The following TYW1B variants were observed in gnomAD, a reference collection of about 807,000 sequenced individuals.
TYW1B encodes S-adenosyl-L-methionine-dependent tRNA 4-demethylwyosine synthase TYW1B.
Under a neutral mutation model 86.9 loss-of-function variants are expected in TYW1B, and 73 were observed. The observed-to-expected ratio is 0.84, with a 90% CI of 0.70 to 1.02. The LOEUF (loss-of-function observed/expected upper bound fraction) is 1.02, where lower values mean the gene tolerates loss of function less well. Among genes scored for constraint, TYW1B ranks in the 50% least tolerant of loss-of-function variants. TYW1B has a pLI of 0.00. For missense variants in TYW1B, 637 were observed against 827.4 expected (o/e 0.77, Z 2.82); for synonymous variants, 248 against 292.8 (o/e 0.85, Z 1.56).
chr7:72,822,269 G>A (rs1163861502), intron 2 of TYW1B, among the ~76,000 whole-genome samples: 1 of 150,346 alleles, frequency 6.7e-6, no homozygotes, highest in Non-Finnish European at 1.5e-5. Context: ...CGATCCAAAA[G>A]GTAGAACATC....
At chr7:72,716,562 G>C (rs2129570773) in intron 9 of TYW1B, among the ~76,000 whole-genome samples, 2 of 152,326 alleles carry the variant, frequency 1.3e-5, no homozygotes, top group South Asian at 4.1e-4. Flanking sequence ...GACTTCAGTA[G>C]GGATAGCACC....
At chr7:72,613,278 C>A (rs192329441) in intron 13 of TYW1B, among the ~76,000 whole-genome samples, 26 of 151,914 alleles carry the variant, frequency 1.7e-4, no homozygotes, top group Non-Finnish European at 1.3e-4. Context: ...ACAGTCTTTG[C>A]ATTTTTAAAA....
At chr7:72,694,330 A>C (rs1814254706) in intron 11 of TYW1B, among the ~76,000 whole-genome samples, 1 of 152,146 alleles carries the variant, frequency 6.6e-6, no homozygotes, top group South Asian at 2.1e-4. Flanking sequence ...TCCTACAACC[A>C]ATCTTCCATA....
At chr7:72,798,907 G>A (rs1405304250) in intron 6 of TYW1B, among the ~76,000 whole-genome samples, 1 of 152,122 alleles carries the variant, frequency 6.6e-6, no homozygotes, top group Non-Finnish European at 1.5e-5. Flanking sequence ...AAATCTCTCT[G>A]TAGAGCCATT....
chr7:72,577,773 T>C (rs1811058435), intron 13 of TYW1B, among the ~76,000 whole-genome samples: 1 of 152,120 alleles, frequency 6.6e-6, no homozygotes, highest in African/African-American at 2.4e-5. Context: ...GAATGTAAAG[T>C]CTGAGTATCA....
At chr7:72,710,026 C>T (rs1554454405) in intron 10 of TYW1B, among the ~76,000 whole-genome samples, 2 of 152,136 alleles carry the variant, frequency 1.3e-5, no homozygotes, top group Non-Finnish European at 2.9e-5. Context: ...AAGAGAGACT[C>T]GATAACATCT....
At chr7:72,671,768 C>T (rs1372001935) in intron 11 of TYW1B, among the ~76,000 whole-genome samples, 1 of 151,278 alleles carries the variant, frequency 6.6e-6, no homozygotes, top group African/African-American at 2.4e-5. Flanking sequence ...TTAGTACCAA[C>T]TTTAAACTTT....
intron 13 of TYW1B, among the ~76,000 whole-genome samples, chr7:72,587,479 T>C (rs1431823210): frequency 5.9e-5 from 9 of 152,104 alleles, no homozygotes; most frequent in Non-Finnish European, 7.4e-5. Context: ...GGAGTGCTGA[T>C]TGGTCAGAGA....
At chr7:72,752,757 A>AAACAAAC (rs1554465330) in intron 7 of TYW1B, among the ~76,000 whole-genome samples, 6 of 151,870 alleles carry the variant, frequency 4.0e-5, no homozygotes, top group Admixed American at 6.6e-5. Context: ...ACAAACAAAC[A>AAACAAAC]AAAAAACCTC....
chr7:72,637,639 T>C (rs2129568950), intron 11 of TYW1B, among the ~76,000 whole-genome samples: 1 of 152,144 alleles, frequency 6.6e-6, no homozygotes, highest in Non-Finnish European at 1.5e-5. Flanking sequence ...TCTGCTCTTT[T>C]TGTTTCCTTC....
chr7:72,673,458 G>T (rs145239145), intron 11 of TYW1B, among the ~76,000 whole-genome samples: 20 of 152,270 alleles, frequency 1.3e-4, no homozygotes, highest in Admixed American at 7.2e-4. Flanking sequence ...AACATGGATG[G>T]AACTGCAGGT....
chr7:72,576,509 CTT>C (rs11334473), intron 13 of TYW1B, among the ~76,000 whole-genome samples: 1,213 of 120,086 alleles, frequency 0.01, 10 homozygotes, highest in African/African-American at 0.036. Flanking sequence ...ATGCCACTGT[CTT>C]TTTTTTTTTT....
At chr7:72,661,171 G>A (rs868950822) in intron 11 of TYW1B, among the ~76,000 whole-genome samples, 1 of 141,222 alleles carries the variant, frequency 7.1e-6, no homozygotes, top group African/African-American at 2.6e-5. Context: ...AATATAATGG[G>A]AGGAAAAGAA....
At chr7:72,765,983 C>T (rs1787761963) in intron 7 of TYW1B, among the ~76,000 whole-genome samples, 1 of 152,310 alleles carries the variant, frequency 6.6e-6, no homozygotes, top group East Asian at 1.9e-4. Context: ...ACTTTTCTCA[C>T]TTGGCAGACT....
At chr7:72,669,952 TAAATAAATAAATA>T (rs1466140220) in intron 11 of TYW1B, among the ~76,000 whole-genome samples, 7 of 149,692 alleles carry the variant, frequency 4.7e-5, no homozygotes, top group Non-Finnish European at 1.0e-4. Flanking sequence ...AATAAATAAA[TAAATAAATAAATA>T]AATAAATAAA....
At chr7:72,640,756 G>A (rs1812783080) in intron 11 of TYW1B, among the ~76,000 whole-genome samples, 2 of 152,038 alleles carry the variant, frequency 1.3e-5, no homozygotes, top group Non-Finnish European at 2.9e-5. Flanking sequence ...ATCTCTCTCA[G>A]TAACCAATAA....
At chr7:72,824,392 G>A (rs1208352372) in intron 2 of TYW1B, among the ~76,000 whole-genome samples, 1 of 151,986 alleles carries the variant, frequency 6.6e-6, no homozygotes, top group East Asian at 1.9e-4. Flanking sequence ...TTGAAGCCAG[G>A]AATTCAAGAC....
intron 11 of TYW1B, among the ~76,000 whole-genome samples, chr7:72,659,906 G>C (rs2129569421): frequency 6.6e-6 from 1 of 152,310 alleles, no homozygotes; most frequent in East Asian, 1.9e-4. Flanking sequence ...CCTTAGCAGA[G>C]CAGTTTCCGA....
At chr7:72,602,937 C>T (rs1350191295) in intron 13 of TYW1B, among the ~76,000 whole-genome samples, 2 of 150,712 alleles carry the variant, frequency 1.3e-5, no homozygotes, top group African/African-American at 2.4e-5. Flanking sequence ...GAAAGAGATC[C>T]GAATGGCCAA....
Sources: gnomAD v4.1 joint callset for allele counts (sites outside exome capture counted in the v4.1 genomes callset) on GRCh38, gnomAD v4.1.1 for gene constraint, MANE v1.5 for transcripts, NCBI Gene and HGNC (gene_info 2026-07-23, HGNC 2026-07-21) for gene names.